Variants in TIGIT observed in about 807,000 individuals in gnomAD.
The protein encoded by TIGIT is T-cell immunoreceptor with Ig and ITIM domains.
A neutral mutation model predicts 19.6 loss-of-function variants in TIGIT; 11 were observed. That is an observed-to-expected ratio of 0.56 (90% CI 0.35 to 0.93). TIGIT has a LOEUF of 0.93. TIGIT is among the 40% of genes least tolerant of loss of function. TIGIT has a pLI of 0.01. For synonymous variants in TIGIT, 130 were observed against 125.5 expected (o/e 1.04, Z -0.24); for missense variants, 295 against 303.9 (o/e 0.97, Z 0.22).
chr3:114,308,807 T>G lies in TIGIT; in HGVS notation c.*676T>G, dbSNP rs2078552804. On this transcript the variant is annotated 3_prime_UTR_variant, in exon 4 of 4. Transcript: ENST00000383671. ...TGGCCTGGGAGCACCAAGGGGATGT[T>G]GAGGCTAGTCTGGGAGGAGCAGGAG... 1 of 152,342 alleles carries G rather than the reference T, an allele frequency of 6.6e-6. No individual in the cohort carries two copies. Among genetic ancestry groups the G allele is most frequent in the African/African-American group, 2.4e-5 (1 of 41,454 alleles). The allele number at this position is 152,342 out of a possible 1,614,324, so 9.4% of individuals were successfully genotyped here.
rs2078561568 is a variant in TIGIT, at chr3:114,310,024, A to C, written c.*1893A>C. On this transcript the variant is annotated 3_prime_UTR_variant, in exon 4 of 4. Transcript: ENST00000383671. ...CACTGAACTAGATTCTCCTCTGAGA[A>C]CCAGAGAAGACCATTTCATAGTTGG... The C allele has an allele frequency of 6.6e-6, 1 of 152,202 alleles. No homozygotes were observed. The highest frequency in any genetic ancestry group is 2.4e-5 in the African/African-American group (1 of 41,454). The allele number at this position is 152,202 out of a possible 1,614,324, so 9.4% of individuals were successfully genotyped here.
intron 3 of TIGIT, among the ~76,000 whole-genome samples, chr3:114,305,490 A>G (rs2078526734): frequency 6.6e-6 from 1 of 152,240 alleles, no homozygotes; most frequent in Non-Finnish European, 1.5e-5. Context: ...AAGAAAGCTC[A>G]GCATGGATAT....
At chr3:114,304,208 T>C (rs2107953923) in intron 3 of TIGIT, among the ~76,000 whole-genome samples, 1 of 152,354 alleles carries the variant, frequency 6.6e-6, no homozygotes, top group Non-Finnish European at 1.5e-5. Flanking sequence ...GGCTGTTTAC[T>C]CTGCTGATTA....
chr3:114,298,562 A>T (rs1405405792), intron 2 of TIGIT, among the ~76,000 whole-genome samples: 2 of 151,894 alleles, frequency 1.3e-5, no homozygotes, highest in African/African-American at 4.8e-5. Context: ...GTTCTCTATG[A>T]CCCCTGTGCT....
chr3:114,294,257 A>G (rs2078439515), intron 1 of TIGIT, 135 bp downstream of exon 1: 2 of 656,606 alleles, frequency 3.0e-6, no homozygotes, highest in Admixed American at 5.9e-5. Flanking sequence ...CAACTTTTAG[A>G]GTCCTGTGTA....
At position 114,295,798 on chromosome 3, in the gene TIGIT, G is replaced by C. The variant is rs766072812; in HGVS notation, c.315G>C (p.Glu105Asp). 1 of 1,614,172 alleles carries C rather than the reference G, an allele frequency of 6.2e-7. No homozygotes were observed. ...CGCTGACCGTGAACGATACAGGGGA[G>C]TACTTCTGCATCTATCACACCTACC... is the stretch of plus-strand genomic sequence containing the variant. Reference protein sequence around the residue: ...LQSLTVNDTGEYFCIYHTYPD... With the variant: ...LQSLTVNDTGDYFCIYHTYPD... The change falls in exon 2 of 4, where the codon GAG becomes GAC. Residue 105 changes from glutamate (E) to aspartate (D), a missense_variant. Physicochemically the swap from Glu to Asp is conservative, Grantham distance 45. Transcript: ENST00000383671.
chr3:114,304,117 A>T (rs2078515204), intron 3 of TIGIT, among the ~76,000 whole-genome samples: 1 of 149,368 alleles, frequency 6.7e-6, no homozygotes, highest in African/African-American at 2.5e-5. Context: ...TTTTCAGCTG[A>T]TTTGTTTGAG....
rs1335569721 is a variant in TIGIT, at chr3:114,309,969, A to C, written c.*1838A>C. On this transcript the variant is annotated 3_prime_UTR_variant, in exon 4 of 4. Transcript: ENST00000383671. ...GGGTCAGGTTACTGAAATGGGATTC[A>C]ATTTGAAAAAAATTTTTTTAAATAG... 1.3e-5 allele frequency: 2 copies of C among 152,182 alleles called. No individual in the cohort carries two copies. The highest frequency in any genetic ancestry group is 4.8e-5 in the African/African-American group (2 of 41,434). The allele number at this position is 152,182 out of a possible 1,614,324, so 9.4% of individuals were successfully genotyped here.
At chr3:114,301,613 C>T (rs2078493148) in intron 3 of TIGIT, among the ~76,000 whole-genome samples, 1 of 152,162 alleles carries the variant, frequency 6.6e-6, no homozygotes, top group Non-Finnish European at 1.5e-5. Context: ...AACAACTTTT[C>T]CTGTTAAGGA....
At chr3:114,295,502 G>A (rs766469411) in intron 1 of TIGIT, 43 bp from the exon 2 acceptor site, 1 of 1,537,362 alleles carries the variant, frequency 6.5e-7, no homozygotes, top group Non-Finnish European at 8.8e-7. Flanking sequence ...TTGAAGGCCA[G>A]CTGCTGACCC....
intron 3 of TIGIT, 90 bp from the exon 4 acceptor site, chr3:114,307,805 G>A: frequency 8.4e-7 from 1 of 1,195,226 alleles, no homozygotes; most frequent in Non-Finnish European, 1.2e-6. Context: ...GTGTGCATGT[G>A]TGTAAGAAAG....
At chr3:114,294,998 A>G (rs17607065) in intron 1 of TIGIT, 4,590 of 155,690 alleles carry the variant, frequency 0.029, 110 homozygotes, top group South Asian at 0.075. Flanking sequence ...TACGAAAATA[A>G]CAAGCTGGCC....
intron 3 of TIGIT, among the ~76,000 whole-genome samples, chr3:114,305,186 A>G (rs1216463326): frequency 6.6e-6 from 1 of 150,568 alleles, no homozygotes; most frequent in East Asian, 2.0e-4. Flanking sequence ...CTAACTATTT[A>G]CCCTATACAC....
chr3:114,302,885 A>C (rs546300443), intron 3 of TIGIT, among the ~76,000 whole-genome samples: 1 of 152,324 alleles, frequency 6.6e-6, no homozygotes, highest in East Asian at 1.9e-4. Context: ...TATTCAGTAC[A>C]GGGATTGGCA....
At chr3:114,294,223 C>T (rs2078439350) in intron 1 of TIGIT, 101 bp downstream of exon 1, 3 of 881,630 alleles carry the variant, frequency 3.4e-6, no homozygotes, top group East Asian at 5.3e-5. Flanking sequence ...GAGCATGCCA[C>T]AGCTGCTTGA....
intron 3 of TIGIT, among the ~76,000 whole-genome samples, chr3:114,304,357 T>C (rs892242249): frequency 4.6e-5 from 7 of 152,220 alleles, no homozygotes; most frequent in Admixed American, 3.3e-4. Context: ...AAACTCAGTT[T>C]GCCATTTCTG....
intron 3 of TIGIT, among the ~76,000 whole-genome samples, chr3:114,302,025 G>A (rs907675320): frequency 6.6e-6 from 1 of 152,182 alleles, no homozygotes; most frequent in Non-Finnish European, 1.5e-5. Flanking sequence ...GTTCTTCAAA[G>A]GGTAGGGGAG....
intron 1 of TIGIT, 142 bp from the exon 2 acceptor site, chr3:114,295,403 C>G: frequency 1.4e-6 from 1 of 694,414 alleles, no homozygotes; most frequent in East Asian, 2.5e-5. Context: ...ATTACAGCCT[C>G]TATGGAGGAG....
intron 2 of TIGIT, among the ~76,000 whole-genome samples, chr3:114,296,708 T>G (rs763133665): frequency 6.6e-6 from 1 of 152,174 alleles, no homozygotes; most frequent in African/African-American, 2.4e-5. Context: ...AAGCTGGAGC[T>G]TGGAGTTGCT....
Sources: gnomAD v4.1 joint callset for allele counts (sites outside exome capture counted in the v4.1 genomes callset) on GRCh38, gnomAD v4.1.1 for gene constraint, MANE v1.5 for transcripts, NCBI Gene and HGNC (gene_info 2026-07-23, HGNC 2026-07-21) for gene names.